Variants in KMT2C observed in about 807,000 individuals in gnomAD.
The protein encoded by KMT2C is lysine methyltransferase 2C.
In KMT2C, 88 loss-of-function variants were observed where a neutral mutation model predicts 507.9. The observed-to-expected ratio is 0.17, with a 90% CI of 0.15 to 0.21. The LOEUF is 0.21. KMT2C is among the 10% of genes least tolerant of loss of function. The pLI, the probability that KMT2C is intolerant of heterozygous loss-of-function variation, is 1.00. For synonymous variants in KMT2C, 2,049 were observed against 2,080.8 expected (o/e 0.98, Z 0.42); for missense variants, 4,954 against 5,957.8 (o/e 0.83, Z 5.55).
chr7:152,302,753 T>G (rs192171086), intron 6 of KMT2C, among the ~76,000 whole-genome samples: 72 of 151,996 alleles, frequency 4.7e-4, no homozygotes, highest in Middle Eastern at 3.4e-3. Flanking sequence ...GAAATTCTCC[T>G]GCCTCAGCCT....
chr7:152,301,054 C>G (rs567392037), intron 6 of KMT2C, among the ~76,000 whole-genome samples: 2 of 150,958 alleles, frequency 1.3e-5, no homozygotes, highest in South Asian at 4.2e-4. Flanking sequence ...GAAACTTCAT[C>G]TCAAAAAAAA....
At chr7:152,414,268 C>A (rs1432559716) in intron 1 of KMT2C, among the ~76,000 whole-genome samples, 1 of 149,428 alleles carries the variant, frequency 6.7e-6, no homozygotes, top group Non-Finnish European at 1.5e-5. Context: ...CTGGCTCACA[C>A]CTGTAATCCC....
chr7:152,356,103 G>A (rs1313060671), intron 2 of KMT2C, among the ~76,000 whole-genome samples: 3 of 152,158 alleles, frequency 2.0e-5, no homozygotes, highest in Non-Finnish European at 2.9e-5. Flanking sequence ...CAACATACGG[G>A]TAGGGATGCA....
At chr7:152,297,043 AAGAAAGAAAGACAGAGAGAGAGAGAGAG>A (rs2096512503) in intron 6 of KMT2C, among the ~76,000 whole-genome samples, 5 of 83,404 alleles carry the variant, frequency 6.0e-5, no homozygotes, top group African/African-American at 2.5e-4. Context: ...GAAAGAAAGA[AAGAAAGAAAGACAGAGAGAGAGAGAGAG>A]AGAGAGAGAG....
Position 152,138,871 on chromosome 7 carries a change from C to A in KMT2C, c.14568G>T (p.Val4856=). The A allele has an allele frequency of 6.2e-7, 1 of 1,613,758 alleles. No individual in the cohort carries two copies. The highest frequency in any genetic ancestry group is 1.3e-5 in the African/African-American group (1 of 75,012). Residue 4856 remains valine, a synonymous_variant, in exon 58 of 59, where the codon GTG becomes GTT. Coordinates refer to ENST00000262189, the MANE Select transcript of KMT2C (RefSeq NM_170606.3). This position sits in a 1 kb window ranked among gnomAD's most constrained non-coding sequence, Gnocchi z 4.2. ...CTCTCTCAAAAGTCACCACTTCAGC[C>A]ACACAATTAGGTGCACACGAATGGT... is the stretch of plus-strand genomic sequence containing the variant. ...YINHSCAPNC[V]AEVVTFERGH... is the part of the protein sequence containing the mutation.
intron 2 of KMT2C, among the ~76,000 whole-genome samples, chr7:152,355,813 T>A (rs1390332543): frequency 6.6e-6 from 1 of 152,172 alleles, no homozygotes; most frequent in Admixed American, 6.5e-5. Context: ...ATCATAGGTA[T>A]AAATAACTCA....
In KMT2C at chr7:152,259,475, C is replaced by T. The variant is rs1239889894; in HGVS notation, c.1299+3541G>A. Among the ~76,000 whole-genome samples, 149 of 149,132 alleles carry T rather than the reference C, an allele frequency of 1.0e-3. 1 individual carries two copies. The highest frequency in any genetic ancestry group is 1.9e-3 in the Non-Finnish European group (131 of 67,298). On this transcript the variant is annotated intron_variant, in intron 9 of 58. Transcript: ENST00000262189. ...ACACACACACACACACACACACACA[C>T]ACACACACACACACAGAGAAAGCAA... is the stretch of plus-strand genomic sequence containing the variant.
intron 18 of KMT2C, among the ~76,000 whole-genome samples, chr7:152,227,991 G>T (rs1237266985): frequency 6.6e-6 from 1 of 152,186 alleles, no homozygotes; most frequent in Non-Finnish European, 1.5e-5. Context: ...CCAAAATGTG[G>T]TCTAGGGAAC....
At chr7:152,433,330 GT>G (rs2097882477) in intron 1 of KMT2C, among the ~76,000 whole-genome samples, 2 of 152,116 alleles carry the variant, frequency 1.3e-5, no homozygotes. Flanking sequence ...ATTTACACTG[GT>G]TACACATAAG....
intron 5 of KMT2C, 70 bp from the exon 6 acceptor site, chr7:152,310,145 A>G: frequency 9.9e-7 from 1 of 1,009,912 alleles, no homozygotes; most frequent in South Asian, 1.4e-5. Context: ...AAATAAAGAC[A>G]TAAAACTTCA....
intron 6 of KMT2C, among the ~76,000 whole-genome samples, chr7:152,289,683 C>T (rs540761128): frequency 7.9e-5 from 12 of 152,292 alleles, no homozygotes; most frequent in African/African-American, 2.6e-4. Context: ...TTATATCCAA[C>T]AATGTAAGCT....
intron 48 of KMT2C, among the ~76,000 whole-genome samples, chr7:152,153,308 G>GT (rs1563163633): frequency 2.6e-5 from 4 of 152,242 alleles, no homozygotes; most frequent in Middle Eastern, 3.4e-3. Flanking sequence ...GACACAACCC[G>GT]TAAGAACAGA....
chr7:152,227,720 T>C (rs1391728415), intron 18 of KMT2C, among the ~76,000 whole-genome samples: 3 of 152,146 alleles, frequency 2.0e-5, no homozygotes, highest in African/African-American at 4.8e-5. Context: ...GCTCCAGAAA[T>C]CTACAAAGGA....
At chr7:152,302,350 A>G (rs928831152) in intron 6 of KMT2C, among the ~76,000 whole-genome samples, 1 of 152,068 alleles carries the variant, frequency 6.6e-6, no homozygotes, top group Non-Finnish European at 1.5e-5. Flanking sequence ...CAGCCTCTCG[A>G]GTAGCTGGGA....
In KMT2C at chr7:152,326,383, G is replaced by A. The variant is rs1000518138; in HGVS notation, c.389+4218C>T. Among the ~76,000 whole-genome samples the A allele has an allele frequency of 2.6e-5, 4 of 151,842 alleles. No homozygotes were observed. In the South Asian group the frequency reaches 6.2e-4, roughly 24 times the overall value. ...AAGTTTTATAATTTTCTCTATAAAA[G>A]TCTTACATTTTTGCACATAATCCTA... On this transcript the variant is annotated intron_variant, in intron 3 of 58. Coordinates refer to ENST00000262189, the MANE Select transcript of KMT2C (RefSeq NM_170606.3).
At chr7:152,322,673 T>C (rs544851364) in intron 3 of KMT2C, among the ~76,000 whole-genome samples, 40 of 152,014 alleles carry the variant, frequency 2.6e-4, no homozygotes, top group African/African-American at 7.9e-4. Context: ...CCTGAAAGCA[T>C]AGGCAACAAA....
At chr7:152,241,439 C>T (rs1483286939) in intron 14 of KMT2C, among the ~76,000 whole-genome samples, 4 of 152,286 alleles carry the variant, frequency 2.6e-5, no homozygotes, top group African/African-American at 9.6e-5. Flanking sequence ...ATCCACCAGC[C>T]TTGGCATCCC....
chr7:152,152,974 C>A lies in KMT2C; in HGVS notation c.12277-20G>T, dbSNP rs1429119435. ...AATGTTCTAAAACCAAATGCAAATGCTGTATTATTCACCCAGAAGGCAACA... is the reference window on the plus strand; with the variant it reads ...AATGTTCTAAAACCAAATGCAAATGATGTATTATTCACCCAGAAGGCAACA... On this transcript the variant is annotated intron_variant, in intron 48 of 58. Transcript: ENST00000262189. 1 of 1,611,072 alleles carries A rather than the reference C, an allele frequency of 6.2e-7. No homozygotes were observed. Among genetic ancestry groups the A allele is most frequent in the African/African-American group, 1.3e-5 (1 of 74,998 alleles).
chr7:152,266,810 C>CA (rs1255103040), intron 7 of KMT2C, among the ~76,000 whole-genome samples: 1 of 152,304 alleles, frequency 6.6e-6, no homozygotes, highest in Admixed American at 6.5e-5. Flanking sequence ...GAGGGCAGTA[C>CA]AAAAACAGGC....
Sources: allele counts gnomAD v4.1 joint callset (sites outside exome capture counted in the v4.1 genomes callset), GRCh38; gene constraint gnomAD v4.1.1; non-coding constraint Gnocchi (gnomAD v3.1); transcripts MANE v1.5; gene names NCBI Gene and HGNC (gene_info 2026-07-23, HGNC 2026-07-21).